Variants in NAALADL2 observed in about 807,000 individuals in gnomAD.
The protein encoded by NAALADL2 is N-acetylated alpha-linked acidic dipeptidase like 2, also known as inactive N-acetylated-alpha-linked acidic dipeptidase-like protein 2.
A neutral mutation model predicts 87.2 loss-of-function variants in NAALADL2; 76 were observed. The ratio of observed to expected loss-of-function variants is 0.87; its 90% CI spans 0.72 to 1.05. NAALADL2 has a LOEUF of 1.05. Among genes scored for constraint, NAALADL2 ranks in the 50% least tolerant of loss-of-function variants. The pLI is 0.00. For synonymous variants in NAALADL2, 354 were observed against 331.0 expected (o/e 1.07, Z -0.75); for missense variants, 1,089 against 945.8 (o/e 1.15, Z -1.99).
intron 3 of NAALADL2, among the ~76,000 whole-genome samples, chr3:174,810,598 A>C (rs1373560803): frequency 1.1e-5 from 1 of 87,138 alleles, no homozygotes; most frequent in Admixed American, 1.4e-4. Flanking sequence ...ATATGTAAGC[A>C]AAAAAAAAAA....
chr3:175,278,710 G>A (rs1039281083), intron 4 of NAALADL2, among the ~76,000 whole-genome samples: 3 of 152,042 alleles, frequency 2.0e-5, no homozygotes, highest in African/African-American at 4.8e-5. Context: ...TTTAAGGTAG[G>A]TAGCATTATG....
intron 1 of NAALADL2, among the ~76,000 whole-genome samples, chr3:174,475,968 AT>A (rs1386351934): frequency 6.6e-6 from 1 of 152,032 alleles, no homozygotes; most frequent in African/African-American, 2.4e-5. Flanking sequence ...ATATCTCTAG[AT>A]TTATGAGGGG....
chr3:175,487,592 A>C, intron 9 of NAALADL2: 1 of 453,876 alleles, frequency 2.2e-6, no homozygotes, highest in Non-Finnish European at 4.4e-6. Flanking sequence ...TATGAAGAGA[A>C]TTCTTCCTCT....
intron 3 of NAALADL2, among the ~76,000 whole-genome samples, chr3:174,819,047 T>C (rs1475182037): frequency 6.7e-6 from 1 of 148,324 alleles, no homozygotes; most frequent in Non-Finnish European, 1.5e-5. Flanking sequence ...TTCTTTATTA[T>C]ACCATTTATT....
chr3:174,761,865 T>C (rs1464664571), intron 3 of NAALADL2, among the ~76,000 whole-genome samples: 1 of 150,928 alleles, frequency 6.6e-6, no homozygotes, highest in Non-Finnish European at 1.5e-5. Context: ...CGGTGTTTGG[T>C]TTTTTGTCCT....
At chr3:175,156,971 C>T (rs1312121095) in intron 2 of NAALADL2, among the ~76,000 whole-genome samples, 1 of 151,964 alleles carries the variant, frequency 6.6e-6, no homozygotes, top group African/African-American at 2.4e-5. Context: ...AAGCCACTGC[C>T]ACCGAGTCAC....
At chr3:174,587,256 C>T (rs1285408875) in intron 2 of NAALADL2, among the ~76,000 whole-genome samples, 3 of 152,046 alleles carry the variant, frequency 2.0e-5, no homozygotes, top group Admixed American at 2.0e-4. Flanking sequence ...GGGTTGGTTC[C>T]AAGTCTTTGC....
rs142110969 is a variant in NAALADL2, at chr3:175,354,881, TACAC to T, written c.1090+30576_1090+30579del. ...CTATACATACATACATACATATATA[TACAC>T]ACACACACACACACACACATATACA... On this transcript the variant is annotated intron_variant, in intron 5 of 13. Coordinates refer to ENST00000454872, the MANE Select transcript of NAALADL2 (RefSeq NM_207015.3). Among the ~76,000 whole-genome samples, 298 of 146,928 alleles carry T rather than the reference TACAC, an allele frequency of 2.0e-3. 1 individual carries two copies. The highest frequency in any genetic ancestry group is 0.015 in the East Asian group (74 of 4,954).
intron 6 of NAALADL2, among the ~76,000 whole-genome samples, chr3:175,452,942 A>T (rs1430604875): frequency 2.0e-5 from 3 of 152,102 alleles, no homozygotes; most frequent in Admixed American, 6.6e-5. Context: ...CGCAGATCTG[A>T]CATTCACCCA....
At chr3:174,824,261 G>T (rs1164808013) in intron 3 of NAALADL2, among the ~76,000 whole-genome samples, 1 of 152,078 alleles carries the variant, frequency 6.6e-6, no homozygotes, top group African/African-American at 2.4e-5. Context: ...TTAAATAGTA[G>T]ATATAAGGAA....
intron 4 of NAALADL2, among the ~76,000 whole-genome samples, chr3:175,318,848 C>G (rs150975935): frequency 1.8e-3 from 270 of 152,324 alleles, no homozygotes; most frequent in African/African-American, 6.1e-3. Flanking sequence ...AGGGTTTCAA[C>G]TTTTTGAGAA....
intron 3 of NAALADL2, among the ~76,000 whole-genome samples, chr3:174,762,585 G>A (rs1303605087): frequency 6.6e-6 from 1 of 151,902 alleles, no homozygotes; most frequent in Non-Finnish European, 1.5e-5. Flanking sequence ...ATGGAAAGAA[G>A]GGAGTGGAAA....
chr3:175,385,985 A>C (rs1768333828), intron 5 of NAALADL2, among the ~76,000 whole-genome samples: 1 of 151,976 alleles, frequency 6.6e-6, no homozygotes, highest in Non-Finnish European at 1.5e-5. Flanking sequence ...CCCCTCAGAT[A>C]AATAGTCGAT....
intron 3 of NAALADL2, among the ~76,000 whole-genome samples, chr3:174,849,035 T>C (rs756246737): frequency 6.6e-6 from 1 of 152,136 alleles, no homozygotes; most frequent in African/African-American, 2.4e-5. Context: ...CAGAAAAATA[T>C]GATATAAAAG....
At chr3:175,592,844 C>G (rs184538657) in intron 10 of NAALADL2, among the ~76,000 whole-genome samples, 3 of 151,594 alleles carry the variant, frequency 2.0e-5, no homozygotes, top group Non-Finnish European at 4.4e-5. Flanking sequence ...ACATATGTAA[C>G]TAACCTGCAC....
At chr3:175,270,601 G>A (rs542470913) in intron 4 of NAALADL2, among the ~76,000 whole-genome samples, 20 of 152,200 alleles carry the variant, frequency 1.3e-4, no homozygotes, top group African/African-American at 4.6e-4. Flanking sequence ...TAACTTCTCC[G>A]GGAAAATGTT....
intron 2 of NAALADL2, among the ~76,000 whole-genome samples, chr3:174,571,592 T>A (rs892977212): frequency 6.6e-6 from 1 of 152,062 alleles, no homozygotes; most frequent in Non-Finnish European, 1.5e-5. Context: ...TTGGTCAGGC[T>A]GGTCTCGAGC....
At chr3:174,502,638 T>G (rs1718970054) in intron 1 of NAALADL2, among the ~76,000 whole-genome samples, 1 of 152,168 alleles carries the variant, frequency 6.6e-6, no homozygotes, top group Non-Finnish European at 1.5e-5. Flanking sequence ...AGGGAACCTG[T>G]TAATAGGGGA....
intron 2 of NAALADL2, among the ~76,000 whole-genome samples, chr3:175,163,341 T>C (rs535097658): frequency 1.3e-5 from 2 of 152,212 alleles, no homozygotes; most frequent in Non-Finnish European, 2.9e-5. Flanking sequence ...TCTTTTTAAA[T>C]GATGAATGGA....
Sources: allele counts gnomAD v4.1 joint callset (sites outside exome capture counted in the v4.1 genomes callset), GRCh38; gene constraint gnomAD v4.1.1; transcripts MANE v1.5; gene names NCBI Gene and HGNC (gene_info 2026-07-23, HGNC 2026-07-21).